TSPAN18: variants seen among roughly 807,000 people sequenced by gnomAD.
TSPAN18 encodes the protein tetraspanin 18, also known as tetraspanin-18.
In TSPAN18, 14 loss-of-function variants were observed where a neutral mutation model predicts 27.3. That is an observed-to-expected ratio of 0.51 (90% confidence interval 0.34 to 0.80). The LOEUF (loss-of-function observed/expected upper bound fraction) is 0.80, where lower values mean the gene tolerates loss of function less well. TSPAN18 is among the 30% of genes least tolerant of loss of function. The pLI, the probability that TSPAN18 is intolerant of heterozygous loss-of-function variation, is 0.01. For synonymous variants in TSPAN18, 143 were observed against 136.5 expected, an observed-to-expected ratio of 1.05 and a Z score of -0.33; for missense variants, 268 against 323.9, an observed-to-expected ratio of 0.83 and a Z score of 1.32.
intron 2 of TSPAN18, among the ~76,000 whole-genome samples, chr11:44,833,070 C>A (rs1162839270): frequency 6.7e-6 from 1 of 150,138 alleles, no homozygotes; most frequent in Non-Finnish European, 1.5e-5. Context: ...GCCCTCCCTT[C>A]ACTGCTCCAT....
At chr11:44,790,685 A>G (rs1025406599) in intron 2 of TSPAN18, among the ~76,000 whole-genome samples, 1 of 152,192 alleles carries the variant, frequency 6.6e-6, no homozygotes, top group Non-Finnish European at 1.5e-5. Flanking sequence ...CCAGATGTTT[A>G]AGTAAACCTG....
intron 8 of TSPAN18, among the ~76,000 whole-genome samples, chr11:44,922,117 ATTT>A (rs10659284): frequency 6.9e-5 from 9 of 131,360 alleles, no homozygotes; most frequent in Non-Finnish European, 8.2e-5. Flanking sequence ...CCCAGGATGC[ATTT>A]TTTTTTTTTT....
rs559110301 is a variant in TSPAN18, at chr11:44,916,039, C to T, written c.259-1933C>T. ...GCAGGATTGAGGAGTGACACATCCC[C>T]GCCACGGGCTGGGCTGCTTTGCTGA... On this transcript the variant is annotated intron_variant, in intron 5 of 9. Coordinates refer to ENST00000520358, the MANE Select transcript of TSPAN18 (RefSeq NM_130783.5). Among the ~76,000 whole-genome samples the T allele has an allele frequency of 1.2e-4, 19 of 152,290 alleles. No individual in the cohort carries two copies. In the East Asian group the frequency reaches 1.7e-3, roughly 14 times the overall value.
intron 2 of TSPAN18, among the ~76,000 whole-genome samples, chr11:44,828,239 T>C (rs755571077): frequency 6.6e-5 from 10 of 152,150 alleles, no homozygotes; most frequent in Non-Finnish European, 1.2e-4. Context: ...AGCTTTGAAA[T>C]CTTCATGGAG....
intron 2 of TSPAN18, among the ~76,000 whole-genome samples, chr11:44,823,780 G>A (rs1856978077): frequency 1.3e-5 from 2 of 152,102 alleles, no homozygotes; most frequent in African/African-American, 4.8e-5. Flanking sequence ...AAGGCAAAAT[G>A]AATAGAACTG....
At chr11:44,840,118 G>C (rs1299923210) in intron 2 of TSPAN18, among the ~76,000 whole-genome samples, 1 of 152,218 alleles carries the variant, frequency 6.6e-6, no homozygotes, top group Non-Finnish European at 1.5e-5. Context: ...GAAAACTCCT[G>C]AGGCCAGGGA....
chr11:44,744,071 CAA>C (rs1048502263), intron 1 of TSPAN18, among the ~76,000 whole-genome samples: 3 of 152,096 alleles, frequency 2.0e-5, no homozygotes, highest in African/African-American at 7.2e-5. Context: ...TCATTTGCAG[CAA>C]AATGCACTGT....
chr11:44,876,946 G>A (rs1444062180), intron 3 of TSPAN18, among the ~76,000 whole-genome samples: 1 of 152,238 alleles, frequency 6.6e-6, no homozygotes, highest in Non-Finnish European at 1.5e-5. Flanking sequence ...GCTGGGACTG[G>A]GAAGAGCCCA....
intron 2 of TSPAN18, among the ~76,000 whole-genome samples, chr11:44,819,083 G>C (rs1480388795): frequency 6.6e-6 from 1 of 152,222 alleles, no homozygotes; most frequent in Non-Finnish European, 1.5e-5. Flanking sequence ...GGACGCGCCT[G>C]GTGTGCGGAT....
intron 3 of TSPAN18, among the ~76,000 whole-genome samples, chr11:44,879,371 G>A (rs1239167601): frequency 6.6e-6 from 1 of 152,186 alleles, no homozygotes; most frequent in Non-Finnish European, 1.5e-5. Context: ...TTCAAGAGAA[G>A]GGGAGAGAAG....
chr11:44,799,571 G>T (rs1323066599), intron 2 of TSPAN18, among the ~76,000 whole-genome samples: 1 of 152,192 alleles, frequency 6.6e-6, no homozygotes, highest in Non-Finnish European at 1.5e-5. Flanking sequence ...GGGACTAGAA[G>T]GATGACCCTC....
rs201769669 is a variant in TSPAN18 at position 44,895,626 on chromosome 11, C to CCCAT, written c.-10-10780_-10-10777dup. Among the ~76,000 whole-genome samples, 741 of 152,316 alleles carry CCCAT rather than the reference C, an allele frequency of 4.9e-3. 24 individuals are homozygous for CCCAT. The East Asian group carries it at 0.073, about 15-fold the overall frequency. On this transcript the variant is annotated intron_variant, in intron 3 of 9. Coordinates refer to ENST00000520358, the MANE Select transcript of TSPAN18 (RefSeq NM_130783.5). ...AAGTTGGGACACCACAAGGGGTGAGCCCATTCCCAGCCAGGGTACAGCATT... is the reference window on the plus strand; with the variant it reads ...AAGTTGGGACACCACAAGGGGTGAGCCCATCCATTCCCAGCCAGGGTACAGCATT...
intron 3 of TSPAN18, among the ~76,000 whole-genome samples, chr11:44,865,809 G>GCAGGAA (rs1263478690): frequency 1.3e-5 from 2 of 152,224 alleles, no homozygotes; most frequent in African/African-American, 2.4e-5. Context: ...TCTCAGTGGA[G>GCAGGAA]CAGGAACAGG....
At chr11:44,908,822 A>AAGGAAGGAAGGAAGGAAG (rs1859595378) in intron 4 of TSPAN18, among the ~76,000 whole-genome samples, 1 of 111,466 alleles carries the variant, frequency 9.0e-6, no homozygotes, top group African/African-American at 4.0e-5. Context: ...AAAGAAAGAA[A>AAGGAAGGAAGGAAGGAAG]GAAAGAAAAA....
chr11:44,927,739 A>T (rs1860421193), intron 9 of TSPAN18, among the ~76,000 whole-genome samples: 1 of 152,198 alleles, frequency 6.6e-6, no homozygotes. Flanking sequence ...AATCTCAGGG[A>T]CGTGTCCCAT....
intron 2 of TSPAN18, among the ~76,000 whole-genome samples, chr11:44,804,338 A>T (rs887627881): frequency 6.6e-6 from 1 of 152,050 alleles, no homozygotes; most frequent in African/African-American, 2.4e-5. Flanking sequence ...TGATCTGCCC[A>T]CCTCGGCCTC....
At chr11:44,810,102 T>C (rs1349276697) in intron 2 of TSPAN18, among the ~76,000 whole-genome samples, 6 of 152,230 alleles carry the variant, frequency 3.9e-5, no homozygotes, top group Admixed American at 3.9e-4. Flanking sequence ...ACTCAGGCTT[T>C]TCTTGCATCT....
chr11:44,820,292 C>T (rs1344155018), intron 2 of TSPAN18, among the ~76,000 whole-genome samples: 2 of 152,212 alleles, frequency 1.3e-5, no homozygotes, highest in Non-Finnish European at 2.9e-5. Flanking sequence ...ACCTGAATGC[C>T]TCTTGCTGTT....
In TSPAN18 at chr11:44,859,199, G is replaced by A. The variant is rs532781382; in HGVS notation, c.-152-1129G>A. Reference sequence around the variant, plus strand: ...GACGCAGAGAAGGGAGCGAAGGTGGGTGCAGAGGGGACTAATGTCTGGCAG... The same window carrying A: ...GACGCAGAGAAGGGAGCGAAGGTGGATGCAGAGGGGACTAATGTCTGGCAG... On this transcript the variant is annotated intron_variant, in intron 2 of 9. Transcript: ENST00000520358. Among the ~76,000 whole-genome samples the A allele has an allele frequency of 1.1e-4, 16 of 152,304 alleles. No individual in the cohort carries two copies. The East Asian group carries it at 2.7e-3, about 26-fold the overall frequency.
Sources: allele counts gnomAD v4.1 joint callset (sites outside exome capture counted in the v4.1 genomes callset), GRCh38; gene constraint gnomAD v4.1.1; transcripts MANE v1.5; gene names NCBI Gene and HGNC (gene_info 2026-07-23, HGNC 2026-07-21).